The following SMOC2 variants were observed in gnomAD, a reference collection of about 807,000 sequenced individuals.
SMOC2 encodes the protein SPARC related modular calcium binding 2, also known as SPARC-related modular calcium-binding protein 2.
Under a neutral mutation model 61.4 loss-of-function variants are expected in SMOC2, and 39 were observed. The observed-to-expected ratio is 0.64, with a 90% confidence interval of 0.49 to 0.83. SMOC2 has a LOEUF of 0.83. SMOC2 is among the 40% of genes least tolerant of loss of function. The pLI, the probability that SMOC2 is intolerant of heterozygous loss-of-function variation, is 0.00. For missense variants in SMOC2, 556 were observed against 592.9 expected (o/e 0.94, Z 0.65); for synonymous variants, 247 against 239.9 (o/e 1.03, Z -0.27).
chr6:168,559,323 C>T lies in SMOC2; in HGVS notation c.637+10120C>T, dbSNP rs371538885. On this transcript the variant is annotated intron_variant, in intron 7 of 12. Transcript: ENST00000356284. ...ATACAAAATTAGCTGGGCATGGTGG[C>T]GGGTGCCTATAATCCCAGATACTCA... 3.3e-5 allele frequency among the ~76,000 whole-genome samples: 5 copies of T among 151,900 alleles called. No homozygotes were observed. In the East Asian group the frequency reaches 5.8e-4, roughly 18 times the overall value.
intron 1 of SMOC2, among the ~76,000 whole-genome samples, chr6:168,487,559 GCA>G (rs758458676): frequency 6.6e-6 from 1 of 152,082 alleles, no homozygotes; most frequent in East Asian, 1.9e-4. Flanking sequence ...GTGCTGGAGT[GCA>G]GTGTGCGATC....
chr6:168,644,712 C>G (rs1440107358), intron 9 of SMOC2, among the ~76,000 whole-genome samples: 1 of 135,296 alleles, frequency 7.4e-6, no homozygotes, highest in African/African-American at 2.8e-5. Context: ...TGCAGTGGTA[C>G]GATCGCAGCT....
intron 1 of SMOC2, among the ~76,000 whole-genome samples, chr6:168,463,583 G>C (rs534294901): frequency 6.6e-6 from 1 of 152,280 alleles, no homozygotes; most frequent in Admixed American, 6.5e-5. Flanking sequence ...GGGAGTGTGA[G>C]AAAATGAAGT....
At chr6:168,454,665 G>A (rs1407940553) in intron 1 of SMOC2, among the ~76,000 whole-genome samples, 8 of 152,208 alleles carry the variant, frequency 5.3e-5, no homozygotes, top group Non-Finnish European at 1.0e-4. Context: ...CTGGGGAACA[G>A]AGGAGGCTTT....
intron 8 of SMOC2, among the ~76,000 whole-genome samples, chr6:168,599,576 ATAC>A: frequency 8.7e-4 from 2 of 2,288 alleles, no homozygotes; most frequent in Non-Finnish European, 1.7e-3. Context: ...ACCCACACTC[ATAC>A]CACACACACC....
chr6:168,610,559 A>G (rs1343603583), intron 9 of SMOC2, among the ~76,000 whole-genome samples: 1 of 152,196 alleles, frequency 6.6e-6, no homozygotes, highest in Non-Finnish European at 1.5e-5. Context: ...CTTAAAAGGT[A>G]CCGTTTCCTT....
At chr6:168,514,028 CG>C (rs1783071442) in intron 2 of SMOC2, among the ~76,000 whole-genome samples, 1 of 152,212 alleles carries the variant, frequency 6.6e-6, no homozygotes, top group Non-Finnish European at 1.5e-5. Context: ...GGGCACACAG[CG>C]GGGTGCACAG....
At chr6:168,477,223 A>T (rs1782107737) in intron 1 of SMOC2, among the ~76,000 whole-genome samples, 1 of 152,174 alleles carries the variant, frequency 6.6e-6, no homozygotes, top group South Asian at 2.1e-4. Context: ...CAAAATTGAG[A>T]ATTGCTCAGA....
intron 4 of SMOC2, among the ~76,000 whole-genome samples, chr6:168,529,427 G>A (rs1173144836): frequency 6.6e-6 from 1 of 152,166 alleles, no homozygotes; most frequent in African/African-American, 2.4e-5. Flanking sequence ...GTCGGGGCAG[G>A]GTTCCGCTGG....
At chr6:168,576,396 G>A (rs574111252) in intron 7 of SMOC2, among the ~76,000 whole-genome samples, 31 of 152,204 alleles carry the variant, frequency 2.0e-4, no homozygotes, top group East Asian at 7.7e-4. Flanking sequence ...TCTGAGGCAC[G>A]TCCAGTCGGG....
intron 7 of SMOC2, among the ~76,000 whole-genome samples, chr6:168,551,926 T>G (rs931772102): frequency 1.3e-5 from 2 of 152,236 alleles, no homozygotes; most frequent in South Asian, 4.1e-4. Flanking sequence ...CAGTAAAAAC[T>G]GAGCAGGCTT....
Position 168,598,895 on chromosome 6 carries a change from G to C in SMOC2, c.715G>C (p.Glu239Gln). ...QPKNDNVVIPECAHGGLYKPV... is the reference protein window; with the variant it reads ...QPKNDNVVIPQCAHGGLYKPV... ...CAAGAACGACAATGTGGTGATCCCT[G>C]AGTGTGCGCACGGCGGCCTCTACAA... The change falls in exon 8 of 13, where the codon GAG becomes CAG. Residue 239 changes from glutamate (E) to glutamine (Q), a missense_variant. Physicochemically the swap from Glu to Gln is conservative, Grantham distance 29. Coordinates refer to ENST00000356284, the MANE Select transcript of SMOC2 (RefSeq NM_001166412.2). 1 of 1,613,862 alleles carries C rather than the reference G, an allele frequency of 6.2e-7. No individual in the cohort carries two copies. The highest frequency in any genetic ancestry group is 8.5e-7 in the Non-Finnish European group (1 of 1,179,850).
At chr6:168,445,187 G>A (rs193050536) in intron 1 of SMOC2, among the ~76,000 whole-genome samples, 9 of 152,230 alleles carry the variant, frequency 5.9e-5, no homozygotes, top group Admixed American at 1.3e-4. Flanking sequence ...TTCTTTCTTC[G>A]TGGGAGTTCC....
intron 11 of SMOC2, among the ~76,000 whole-genome samples, chr6:168,661,268 T>G (rs1437968434): frequency 6.6e-6 from 1 of 152,166 alleles, no homozygotes; most frequent in Non-Finnish European, 1.5e-5. Flanking sequence ...GTTTTTTTTG[T>G]TCCCTATATT....
Position 168,553,562 on chromosome 6 carries a change from C to T in SMOC2, c.637+4359C>T, listed in dbSNP as rs954147307. ...CTGCAACTTCTTTTCTTACTTGAGC[C>T]AGCTACTAACATCTTCACAAAATAA... On this transcript the variant is annotated intron_variant, in intron 7 of 12. Coordinates refer to ENST00000356284, the MANE Select transcript of SMOC2 (RefSeq NM_001166412.2). This position sits in a 1 kb window ranked among gnomAD's most constrained non-coding sequence, Gnocchi z 4.2. 6.6e-6 allele frequency among the ~76,000 whole-genome samples: 1 copy of T among 152,152 alleles called. No individual in the cohort carries two copies. Among genetic ancestry groups the T allele is most frequent in the Non-Finnish European group, 1.5e-5 (1 of 68,042 alleles).
intron 7 of SMOC2, among the ~76,000 whole-genome samples, chr6:168,557,322 A>T (rs1784273432): frequency 6.6e-6 from 1 of 152,018 alleles, no homozygotes; most frequent in African/African-American, 2.4e-5. Flanking sequence ...GTTTAAAAAC[A>T]TTAATTAACT....
rs1251371567 is a variant in SMOC2, at chr6:168,666,462, TC to T, written c.*26del. The T allele has an allele frequency of 7.4e-6, 12 of 1,613,392 alleles. No individual in the cohort carries two copies. Among genetic ancestry groups the T allele is most frequent in the Non-Finnish European group, 9.3e-6 (11 of 1,179,830 alleles). ...AAATGGCTCATACCCCGAAGGCAGTTCCTAGACACATGGGAAATTTCCCTCA... is the reference window on the plus strand; with the variant it reads ...AAATGGCTCATACCCCGAAGGCAGTTCTAGACACATGGGAAATTTCCCTCA... On this transcript the variant is annotated 3_prime_UTR_variant, in exon 13 of 13. Coordinates refer to ENST00000356284, the MANE Select transcript of SMOC2 (RefSeq NM_001166412.2).
chr6:168,641,740 A>G lies in SMOC2; in HGVS notation c.908-8941A>G, dbSNP rs1786895979. On this transcript the variant is annotated intron_variant, in intron 9 of 12. Coordinates refer to ENST00000356284, the MANE Select transcript of SMOC2 (RefSeq NM_001166412.2). Reference sequence around the variant, plus strand: ...GGCCAAGAGCAGGCACCTTCACCCAAAGCCTTGGCTTTCCCGGCCACATCT... The same window carrying G: ...GGCCAAGAGCAGGCACCTTCACCCAGAGCCTTGGCTTTCCCGGCCACATCT... Among the ~76,000 whole-genome samples, 9 of 152,124 alleles carry G rather than the reference A, an allele frequency of 5.9e-5. 1 individual carries two copies. The highest frequency in any genetic ancestry group is 5.9e-4 in the Admixed American group (9 of 15,272).
intron 7 of SMOC2, among the ~76,000 whole-genome samples, chr6:168,569,586 G>A (rs1281806234): frequency 2.6e-5 from 4 of 152,164 alleles, no homozygotes; most frequent in South Asian, 4.2e-4. Flanking sequence ...GACCACAGGC[G>A]CACACCACCA....
Sources: gnomAD v4.1 joint callset for allele counts (sites outside exome capture counted in the v4.1 genomes callset) on GRCh38, gnomAD v4.1.1 for gene constraint, Gnocchi (gnomAD v3.1) non-coding constraint, MANE v1.5 for transcripts, NCBI Gene and HGNC (gene_info 2026-07-23, HGNC 2026-07-21) for gene names.